LTA: variants seen among roughly 807,000 people sequenced by gnomAD.
The protein encoded by LTA is lymphotoxin alpha.
LTA carries 6 observed loss-of-function variants against 15.1 expected under a neutral mutation model. That is an observed-to-expected ratio of 0.40 (90% CI 0.22 to 0.78). The LOEUF is 0.78. LTA is among the 30% of genes least tolerant of loss of function. LTA has a pLI of 0.38. For missense variants in LTA, 173 were observed against 249.5 expected (o/e 0.69, Z 2.06); for synonymous variants, 87 against 107.3 (o/e 0.81, Z 1.17).
the LTA span, among the ~76,000 whole-genome samples, chr6:31,563,612 CAA>C: frequency 1.8e-3 from 280 of 152,186 alleles, 1 homozygote; most frequent in African/African-American, 6.4e-3. Context: ...TTAGTTTACC[CAA>C]GTCAATTTTT....
chr6:31,565,907 G>A, the LTA span, among the ~76,000 whole-genome samples: 4 of 152,102 alleles, frequency 2.6e-5, no homozygotes, highest in Non-Finnish European at 4.4e-5. Context: ...CAGGCTGGGC[G>A]CGTTGGCTAT....
chr6:31,566,052 C>A, the LTA span, among the ~76,000 whole-genome samples: 17 of 152,100 alleles, frequency 1.1e-4, no homozygotes, highest in African/African-American at 4.1e-4. Context: ...GTGGCGCATG[C>A]CTGTAATCCC....
chr6:31,567,619 TCTCTCCCTCCCC>T (rs1770637326), upstream of LTA, among the ~76,000 whole-genome samples: 1 of 146,708 alleles, frequency 6.8e-6, no homozygotes, highest in African/African-American at 2.5e-5. Flanking sequence ...TCTCTCTCTC[TCTCTCCCTCCCC>T]CTCTCTCCCC....
At position 31,572,623 on chromosome 6, in the gene LTA, G is replaced by A. The variant is rs4986978; in HGVS notation, c.-9-111G>A. 96 of 698,622 alleles carry A rather than the reference G, an allele frequency of 1.4e-4. No homozygotes were observed. In the East Asian group the frequency reaches 2.1e-3, roughly 15 times the overall value. 43.3% of individuals were successfully genotyped at this position (698,622 alleles called of 1,614,324 possible). ...ACTGCATCTTGTCCCCTTCTCTGTC[G>A]ATCTCTCTCTCGGGGGTCGGGGGGT... On this transcript the variant is annotated intron_variant, in intron 1 of 3. Transcript: ENST00000418386.
upstream of LTA, among the ~76,000 whole-genome samples, chr6:31,569,059 GA>G (rs1406571018): frequency 6.6e-6 from 1 of 152,084 alleles, no homozygotes; most frequent in East Asian, 1.9e-4. Context: ...GCCCAGGCTG[GA>G]GGGCAGTGGC....
At chr6:31,561,180 TGAA>T in the LTA span, among the ~76,000 whole-genome samples, 1 of 152,158 alleles carries the variant, frequency 6.6e-6, no homozygotes, top group Non-Finnish European at 1.5e-5. Flanking sequence ...GAACATGTGA[TGAA>T]GAAAGGACCA....
At chr6:31,570,268 T>C (rs1324924149), upstream of LTA, among the ~76,000 whole-genome samples, 1 of 152,170 alleles carries the variant, frequency 6.6e-6, no homozygotes, top group African/African-American at 2.4e-5. Flanking sequence ...GGGCAGGTCC[T>C]CAAGTAGAGA....
chr6:31,572,768 T>C lies in LTA; in HGVS notation c.26T>C (p.Leu9Pro). The C allele has an allele frequency of 1.2e-6, 2 of 1,610,178 alleles. No individual in the cohort carries two copies. Among genetic ancestry groups the C allele is most frequent in the South Asian group, 1.1e-5 (1 of 91,048 alleles). MTPPERLFLPRVCGTTLHL... is the reference protein window; with the variant it reads MTPPERLFPPRVCGTTLHL... ...ATGACACCACCTGAACGTCTCTTCC[T>C]CCCAAGGGTGTGTGGCACCACCCTA... Residue 9 changes from leucine (L) to proline (P), a missense_variant, in exon 2 of 4, where the codon CTC becomes CCC. Physicochemically the swap from Leu to Pro is moderately conservative, Grantham distance 98 (BLOSUM62 -3). Transcript: ENST00000418386.
upstream of LTA, among the ~76,000 whole-genome samples, chr6:31,571,541 T>C (rs1770829624): frequency 6.6e-6 from 1 of 152,154 alleles, no homozygotes; most frequent in African/African-American, 2.4e-5. Flanking sequence ...TGTGTTTATT[T>C]GGGGTTATAT....
the LTA span, among the ~76,000 whole-genome samples, chr6:31,563,555 A>C: frequency 6.6e-6 from 1 of 152,164 alleles, no homozygotes; most frequent in East Asian, 1.9e-4. Flanking sequence ...TCAGCTGTCT[A>C]CTGCAGCGCT....
chr6:31,573,195 G>A (rs757739527), intron 3 of LTA, 86 bp from the exon 4 acceptor site: 1 of 1,403,440 alleles, frequency 7.1e-7, no homozygotes, highest in Non-Finnish European at 9.8e-7. Context: ...CAGGAACTCA[G>A]TTGTTCAGTG....
At chr6:31,570,053 C>T (rs1043364953), upstream of LTA, among the ~76,000 whole-genome samples, 4 of 152,260 alleles carry the variant, frequency 2.6e-5, no homozygotes, top group African/African-American at 9.6e-5. Flanking sequence ...AAATAGTTTT[C>T]CCCTGGGTCC....
the LTA span, among the ~76,000 whole-genome samples, chr6:31,562,859 C>CAAA: frequency 1.1e-5 from 1 of 93,480 alleles, no homozygotes. Flanking sequence ...GACTCAGTCT[C>CAAA]AAAAAAAAAA....
rs772349387 is a variant in LTA at position 31,572,767 on chromosome 6, C to T, written c.25C>T (p.Leu9Phe). The T allele has an allele frequency of 3.1e-6, 5 of 1,610,290 alleles. No individual in the cohort carries two copies. Among genetic ancestry groups the T allele is most frequent in the Non-Finnish European group, 2.5e-6 (3 of 1,179,740 alleles). ...CATGACACCACCTGAACGTCTCTTC[C>T]TCCCAAGGGTGTGTGGCACCACCCT... MTPPERLF[L>F]PRVCGTTLHL... Residue 9 changes from leucine to phenylalanine, a missense_variant, in exon 2 of 4, where the codon CTC (leucine) becomes TTC (phenylalanine). Leu to Phe is a conservative substitution (Grantham distance 22). Transcript: ENST00000418386.
At chr6:31,566,642 G>T in the LTA span, among the ~76,000 whole-genome samples, 1 of 122,990 alleles carries the variant, frequency 8.1e-6, no homozygotes, top group Non-Finnish European at 1.7e-5. Context: ...TGTCTTAAAA[G>T]AAAAAAAAAA....
At chr6:31,567,682 G>A (rs62395772), upstream of LTA, among the ~76,000 whole-genome samples, 1,679 of 26,276 alleles carry the variant, frequency 0.064, 26 homozygotes, top group South Asian at 0.2. Context: ...ACACACGCAC[G>A]CATGCACGCA....
rs751996326 is a variant in LTA, at chr6:31,573,268, T to C, written c.206-13T>C. On this transcript the variant is annotated splice_polypyrimidine_tract_variant and intron_variant, in intron 3 of 3. Coordinates refer to ENST00000418386, the MANE Select transcript of LTA (RefSeq NM_000595.4). The stretch of plus-strand genomic sequence containing the variant: ...CCTGATCTCCCACCCCCATCCCCTA[T>C]GGCTCTTCCTAGGAGACCCCAGCAA... 2.5e-5 allele frequency: 40 copies of C among 1,604,676 alleles called. No homozygotes were observed. In the Admixed American group the frequency reaches 6.4e-4, roughly 26 times the overall value.
upstream of LTA, among the ~76,000 whole-genome samples, chr6:31,567,838 C>G (rs1319595915): frequency 6.6e-6 from 1 of 152,068 alleles, no homozygotes; most frequent in African/African-American, 2.4e-5. Context: ...TCTCTCTGCT[C>G]CAGCCACACT....
chr6:31,572,072 CT>C (rs1039929128), upstream of LTA: 1 of 154,640 alleles, frequency 6.5e-6, no homozygotes, highest in Non-Finnish European at 1.5e-5. Context: ...CACGATTCCC[CT>C]GACCCGACTC....
Sources: allele counts gnomAD v4.1 joint callset (sites outside exome capture counted in the v4.1 genomes callset), GRCh38; gene constraint gnomAD v4.1.1; transcripts MANE v1.5; gene names NCBI Gene and HGNC (gene_info 2026-07-23, HGNC 2026-07-21).